The following DDHD1 variants were observed in gnomAD, a reference collection of about 807,000 sequenced individuals.
The protein encoded by DDHD1 is DDHD domain containing 1.
A neutral mutation model predicts 96.4 loss-of-function variants in DDHD1; 49 were observed. The ratio of observed to expected loss-of-function variants is 0.51; its 90% confidence interval spans 0.40 to 0.64. DDHD1 has a LOEUF of 0.64. Ranked by LOEUF, DDHD1 falls within the 30% of genes least tolerant of loss-of-function variation. The probability of loss-of-function intolerance (pLI) is 0.00; values close to 1 mark genes in which losing one functional copy is unlikely to be tolerated. For synonymous variants in DDHD1, 442 were observed against 446.5 expected, an observed-to-expected ratio of 0.99 and a Z score of 0.13; for missense variants, 1,106 against 1,161.2, an observed-to-expected ratio of 0.95 and a Z score of 0.69.
At chr14:53,131,690 G>A (rs940398629) in intron 1 of DDHD1, among the ~76,000 whole-genome samples, 10 of 152,088 alleles carry the variant, frequency 6.6e-5, no homozygotes, top group Non-Finnish European at 8.8e-5. Flanking sequence ...CTTTAGTCAA[G>A]CCCTTTTTCA....
chr14:53,126,843 CA>C (rs1889478591), intron 1 of DDHD1, among the ~76,000 whole-genome samples: 1 of 151,970 alleles, frequency 6.6e-6, no homozygotes. Context: ...ATTCACGTTA[CA>C]AAAGAGAAGC....
intron 1 of DDHD1, among the ~76,000 whole-genome samples, chr14:53,121,084 A>G (rs1229456661): frequency 6.6e-6 from 1 of 152,166 alleles, no homozygotes; most frequent in Non-Finnish European, 1.5e-5. Context: ...AGGAACTTAA[A>G]TCTACAAGAA....
intron 1 of DDHD1, among the ~76,000 whole-genome samples, chr14:53,104,623 GA>G (rs200693628): frequency 3.2e-4 from 48 of 151,678 alleles, no homozygotes; most frequent in African/African-American, 1.1e-3. Flanking sequence ...CTACTTTAGG[GA>G]AAAAAAATCA....
chr14:53,048,437 A>C (rs2139812183), intron 12 of DDHD1: 1 of 150,826 alleles, frequency 6.6e-6, no homozygotes, highest in African/African-American at 2.4e-5. Flanking sequence ...TCCCAGGTTC[A>C]AGCGATTCTC....
intron 6 of DDHD1, among the ~76,000 whole-genome samples, chr14:53,065,821 C>G (rs1477951617): frequency 6.6e-6 from 1 of 152,182 alleles, no homozygotes; most frequent in Non-Finnish European, 1.5e-5. Flanking sequence ...TCTTTAGAGA[C>G]AGCTTTGTTA....
chr14:53,085,543 T>C (rs921591361), intron 4 of DDHD1, among the ~76,000 whole-genome samples: 7 of 152,188 alleles, frequency 4.6e-5, no homozygotes, highest in Non-Finnish European at 5.9e-5. Flanking sequence ...CCAACAGACC[T>C]GCAGCTGAGG....
rs1881699092 is a variant in DDHD1 at position 53,042,082 on chromosome 14, C to T, written c.*4686G>A. 2 of 152,140 alleles carry T rather than the reference C, an allele frequency of 1.3e-5. No homozygotes were observed. The highest frequency in any genetic ancestry group is 4.8e-5 in the African/African-American group (2 of 41,418). 9.4% of individuals were successfully genotyped at this position (152,140 alleles called of 1,614,324 possible). Reference sequence around the variant, plus strand: ...TCGGTCACTTACAAAATGAAGGAATCACATGAGGAGGTGAAACTGTAAAAC... The same window carrying T: ...TCGGTCACTTACAAAATGAAGGAATTACATGAGGAGGTGAAACTGTAAAAC... On this transcript the variant is annotated 3_prime_UTR_variant, in exon 13 of 13. Coordinates refer to ENST00000673822, the MANE Select transcript of DDHD1 (RefSeq NM_001160148.2).
chr14:53,150,667 C>A (rs761548151), intron 1 of DDHD1, among the ~76,000 whole-genome samples: 3 of 152,154 alleles, frequency 2.0e-5, no homozygotes, highest in Non-Finnish European at 4.4e-5. Context: ...TTTCTGACTC[C>A]ACTAAGTCTT....
chr14:53,122,793 T>C (rs1280942059), intron 1 of DDHD1, among the ~76,000 whole-genome samples: 31 of 151,946 alleles, frequency 2.0e-4, no homozygotes, highest in Admixed American at 2.0e-3. Flanking sequence ...GGTCTCGAAC[T>C]CCTGACCTTG....
intron 1 of DDHD1, among the ~76,000 whole-genome samples, chr14:53,106,916 A>T (rs1396534602): frequency 3.3e-5 from 5 of 151,850 alleles, no homozygotes; most frequent in African/African-American, 9.7e-5. Context: ...TTCTTTAGGG[A>T]CTCCAATTTT....
intron 7 of DDHD1, 85 bp downstream of exon 7, chr14:53,062,858 T>G: frequency 1.5e-6 from 2 of 1,372,726 alleles, no homozygotes; most frequent in Non-Finnish European, 2.0e-6. Flanking sequence ...TATTTCTTTA[T>G]CATGAAATTC....
chr14:53,050,920 C>T (rs1047521283), intron 12 of DDHD1, among the ~76,000 whole-genome samples: 12 of 151,690 alleles, frequency 7.9e-5, no homozygotes, highest in Admixed American at 1.3e-4. Context: ...ACCAAAAATG[C>T]AAAAAACATA....
At chr14:53,061,635 T>G (rs1279465522) in intron 7 of DDHD1, among the ~76,000 whole-genome samples, 1 of 152,182 alleles carries the variant, frequency 6.6e-6, no homozygotes, top group African/African-American at 2.4e-5. Context: ...AACCATATAG[T>G]CTAACCCTTC....
rs150712897 is a variant in DDHD1 at position 53,058,698 on chromosome 14, G to A, written c.1843-72C>T. On this transcript the variant is annotated intron_variant, in intron 8 of 12. Transcript: ENST00000673822. ...TCTTTCAACAAAATTTGGGCATAAC[G>A]TAATATATGGCAAAATACAAATAAT... is the stretch of plus-strand genomic sequence containing the variant. 95 of 1,315,810 alleles carry A rather than the reference G, an allele frequency of 7.2e-5. No homozygotes were observed. In the African/African-American group the frequency reaches 1.2e-3, roughly 16 times the overall value. 81.5% of individuals were successfully genotyped at this position (1,315,810 alleles called of 1,614,324 possible). A position where few individuals can be genotyped will look rare whatever the true frequency, so the allele number is the denominator to read the frequency against.
At chr14:53,124,997 C>T (rs886623345) in intron 1 of DDHD1, among the ~76,000 whole-genome samples, 3 of 151,976 alleles carry the variant, frequency 2.0e-5, no homozygotes, top group East Asian at 1.9e-4. Context: ...GTGTGTCTCT[C>T]GTGTCTCTGT....
intron 1 of DDHD1, among the ~76,000 whole-genome samples, chr14:53,151,484 C>A (rs1316474352): frequency 6.6e-6 from 1 of 152,190 alleles, no homozygotes; most frequent in Non-Finnish European, 1.5e-5. Flanking sequence ...ACTGTTAACA[C>A]TCATATCACA....
rs1451087598 is a variant in DDHD1, at chr14:53,066,736, G to GTTCCACC, written c.1504-3532_1504-3531insGGTGGAA. ...AATCCCAGCACTTTGGAAGGCCGAG[G>GTTCCACC]TGGGAGGATCACTTGAAGTCAGGAG... On this transcript the variant is annotated intron_variant, in intron 6 of 12. Coordinates refer to ENST00000673822, the MANE Select transcript of DDHD1 (RefSeq NM_001160148.2). Among the ~76,000 whole-genome samples the GTTCCACC allele has an allele frequency of 3.3e-5, 5 of 152,260 alleles. No individual in the cohort carries two copies. The East Asian group carries it at 9.7e-4, about 29-fold the overall frequency.
chr14:53,108,813 A>T (rs181494842), intron 1 of DDHD1, among the ~76,000 whole-genome samples: 86 of 152,056 alleles, frequency 5.7e-4, no homozygotes, highest in African/African-American at 2.0e-3. Flanking sequence ...TCTGCTTCTA[A>T]GTTTGTGGTT....
chr14:53,135,209 CA>C (rs1242568159), intron 1 of DDHD1, among the ~76,000 whole-genome samples: 1 of 152,184 alleles, frequency 6.6e-6, no homozygotes, highest in African/African-American at 2.4e-5. Flanking sequence ...ACTGAAGAAC[CA>C]CAAAAGATGA....
Sources: gnomAD v4.1 joint callset for allele counts (sites outside exome capture counted in the v4.1 genomes callset) on GRCh38, gnomAD v4.1.1 for gene constraint, MANE v1.5 for transcripts, NCBI Gene and HGNC (gene_info 2026-07-23, HGNC 2026-07-21) for gene names.